Variants in CPS1 observed in about 807,000 individuals in gnomAD.
CPS1 encodes the protein carbamoyl-phosphate synthase [ammonia], mitochondrial.
CPS1 carries 109 observed loss-of-function variants against 174.6 expected under a neutral mutation model. That is an observed-to-expected ratio of 0.62 (90% CI 0.53 to 0.73). The LOEUF (loss-of-function observed/expected upper bound fraction) is 0.73. Among genes scored for constraint, CPS1 ranks in the 30% least tolerant of loss-of-function variants. The pLI, the probability that CPS1 is intolerant of heterozygous loss-of-function variation, is 0.00. For missense variants in CPS1, 1,689 were observed against 1,821.9 expected (o/e 0.93, Z 1.33); for synonymous variants, 637 against 632.0 (o/e 1.01, Z -0.12).
chr2:210,635,633 C>G (rs1700021750), intron 21 of CPS1, among the ~76,000 whole-genome samples: 1 of 152,156 alleles, frequency 6.6e-6, no homozygotes, highest in Non-Finnish European at 1.5e-5. Flanking sequence ...TTGGATGGCA[C>G]AGTTCTAAAG....
intron 21 of CPS1, among the ~76,000 whole-genome samples, chr2:210,629,911 TA>T (rs936720304): frequency 3.1e-4 from 46 of 148,740 alleles, no homozygotes; most frequent in African/African-American, 1.1e-3. Flanking sequence ...AAAATTAAAT[TA>T]AAAAAATAAA....
rs1391034796 is a variant in CPS1 at position 210,556,791 on chromosome 2, T to C, written c.58T>C (p.Phe20Leu). The C allele has an allele frequency of 2.5e-6, 4 of 1,613,214 alleles. No individual in the cohort carries two copies. Among genetic ancestry groups the C allele is most frequent in the Non-Finnish European group, 3.4e-6 (4 of 1,179,416 alleles). ...GAGGACACTGAAGACTGGTTTTGGC[T>C]TTACCAATGTGACTGCACACCAAAA... ...VVRTLKTGFG[F>L]TNVTAHQKWK... Residue 20 changes from phenylalanine to leucine, a missense_variant, in exon 1 of 38, where the codon TTT becomes CTT. Physicochemically the swap from Phe to Leu is conservative, Grantham distance 22. Transcript: ENST00000233072.
At chr2:210,503,341 G>A (rs780774225) in intron 1 of CPS1, among the ~76,000 whole-genome samples, 3 of 152,206 alleles carry the variant, frequency 2.0e-5, no homozygotes, top group Non-Finnish European at 4.4e-5. Flanking sequence ...AGGCCCAGAA[G>A]GTAGAGCTGT....
intron 1 of CPS1, among the ~76,000 whole-genome samples, chr2:210,526,501 G>T (rs1327364478): frequency 1.3e-5 from 2 of 151,956 alleles, no homozygotes; most frequent in Non-Finnish European, 2.9e-5. Context: ...CTGTAAAAGA[G>T]AGAAGGTGGT....
chr2:210,622,454 A>T (rs1351066579), intron 21 of CPS1, among the ~76,000 whole-genome samples: 1 of 151,764 alleles, frequency 6.6e-6, no homozygotes, highest in Non-Finnish European at 1.5e-5. Flanking sequence ...TGTAGATAAC[A>T]TCTAGAGGAA....
intron 34 of CPS1, 35 bp downstream of exon 34, chr2:210,668,319 C>A: frequency 7.1e-7 from 1 of 1,400,384 alleles, no homozygotes; most frequent in Non-Finnish European, 1.0e-6. Context: ...TGCCCATGGT[C>A]ATACATGGTG....
chr2:210,652,562 C>T (rs548616015), intron 28 of CPS1, among the ~76,000 whole-genome samples: 4 of 152,260 alleles, frequency 2.6e-5, no homozygotes, highest in Admixed American at 6.5e-5. Flanking sequence ...AGTTTTCTGC[C>T]TTGGATAACT....
intron 9 of CPS1, 107 bp downstream of exon 9, chr2:210,591,013 C>T (rs1360684071): frequency 1.9e-6 from 1 of 534,366 alleles, no homozygotes; most frequent in Non-Finnish European, 3.4e-6. Flanking sequence ...AATAAATGCA[C>T]ATGTACCCTA....
At chr2:210,610,053 A>G (rs188775493) in intron 19 of CPS1, among the ~76,000 whole-genome samples, 3 of 151,958 alleles carry the variant, frequency 2.0e-5, no homozygotes, top group Non-Finnish European at 4.4e-5. Context: ...TTTTTTCTCC[A>G]TTATAGTTGT....
intron 1 of CPS1, among the ~76,000 whole-genome samples, chr2:210,546,131 G>C (rs1246390948): frequency 6.6e-6 from 1 of 151,968 alleles, no homozygotes; most frequent in African/African-American, 2.4e-5. Flanking sequence ...AGCTTTTGAG[G>C]GACAAGTCTG....
intron 30 of CPS1, chr2:210,658,295 G>A (rs1327751099): frequency 2.8e-6 from 1 of 355,806 alleles, no homozygotes; most frequent in Non-Finnish European, 5.4e-6. Context: ...AGACTGAAAG[G>A]ATTTCATTTA....
At chr2:210,536,407 G>C (rs888287432) in intron 1 of CPS1, among the ~76,000 whole-genome samples, 4 of 147,630 alleles carry the variant, frequency 2.7e-5, no homozygotes, top group Non-Finnish European at 5.9e-5. Flanking sequence ...TGCAAGCTCC[G>C]CCTCCCGGGT....
chr2:210,555,778 C>T (rs376850481), upstream of CPS1: 18 of 406,408 alleles, frequency 4.4e-5, no homozygotes, highest in East Asian at 8.6e-4. Flanking sequence ...CAGTGAGGCC[C>T]CTTGAGAGCC....
intron 17 of CPS1, 46 bp downstream of exon 17, chr2:210,605,292 G>A: frequency 3.7e-6 from 6 of 1,602,628 alleles, no homozygotes; most frequent in Non-Finnish European, 5.1e-6. Flanking sequence ...TTCAGTTCAT[G>A]TCTTTGATGG....
At chr2:210,526,567 C>T (rs1239343062) in intron 1 of CPS1, among the ~76,000 whole-genome samples, 1 of 151,812 alleles carries the variant, frequency 6.6e-6, no homozygotes, top group Non-Finnish European at 1.5e-5. Flanking sequence ...ATGAAAAGCA[C>T]CTAGCATGGG....
At chr2:210,505,421 G>T (rs1026934962) in intron 1 of CPS1, among the ~76,000 whole-genome samples, 1 of 152,024 alleles carries the variant, frequency 6.6e-6, no homozygotes, top group African/African-American at 2.4e-5. Flanking sequence ...AGCAGAATCG[G>T]GCCAAATAGG....
intron 1 of CPS1, among the ~76,000 whole-genome samples, chr2:210,501,524 CA>C (rs572726571): frequency 3.0e-4 from 45 of 152,260 alleles, no homozygotes; most frequent in Non-Finnish European, 4.3e-4. Context: ...TTTCTTCCAC[CA>C]GATACCCTAA....
At chr2:210,645,735 A>T (rs1284386265) in intron 25 of CPS1, among the ~76,000 whole-genome samples, 1 of 152,190 alleles carries the variant, frequency 6.6e-6, no homozygotes, top group Non-Finnish European at 1.5e-5. Context: ...GTGAGCTGAG[A>T]TCATGCCACT....
intron 1 of CPS1, among the ~76,000 whole-genome samples, chr2:210,538,853 A>T (rs1696326888): frequency 6.6e-6 from 1 of 152,122 alleles, no homozygotes. Flanking sequence ...AAAAATTGAA[A>T]CATTACAAAT....
Sources: gnomAD v4.1 joint callset for allele counts (sites outside exome capture counted in the v4.1 genomes callset) on GRCh38, gnomAD v4.1.1 for gene constraint, MANE v1.5 for transcripts, NCBI Gene and HGNC (gene_info 2026-07-23, HGNC 2026-07-21) for gene names.